The following USP25 variants were observed in gnomAD, a reference collection of about 807,000 sequenced individuals.
USP25 encodes the protein ubiquitin carboxyl-terminal hydrolase 25.
A neutral mutation model predicts 158.5 loss-of-function variants in USP25; 85 were observed. The ratio of observed to expected loss-of-function variants is 0.54; its 90% CI spans 0.45 to 0.64. The LOEUF is 0.64. USP25 is among the 30% of genes least tolerant of loss of function. USP25 has a pLI of 0.00. For missense variants in USP25, 1,242 were observed against 1,327.3 expected, an observed-to-expected ratio of 0.94 and a Z score of 1.00; for synonymous variants, 464 against 460.4, an observed-to-expected ratio of 1.01 and a Z score of -0.10.
chr21:15,812,586 G>A lies in USP25; in HGVS notation c.931+1376G>A, dbSNP rs570857471. Among the ~76,000 whole-genome samples, 5 of 151,926 alleles carry A rather than the reference G, an allele frequency of 3.3e-5. No individual in the cohort carries two copies. In the South Asian group the frequency reaches 1.0e-3, roughly 32 times the overall value. Reference sequence around the variant, plus strand: ...GAATGACGTGAACCCAGGAGGCGGAGCTTGCAGTGAGCTGAGATCGGGCCA... The same window carrying A: ...GAATGACGTGAACCCAGGAGGCGGAACTTGCAGTGAGCTGAGATCGGGCCA... On this transcript the variant is annotated intron_variant, in intron 9 of 25. Transcript: ENST00000400183.
rs556267853 is a variant in USP25 at position 15,818,506 on chromosome 21, A to G, written c.932-192A>G. 2.0e-4 allele frequency among the ~76,000 whole-genome samples: 31 copies of G among 152,150 alleles called. 1 individual carries two copies. Among genetic ancestry groups the G allele is most frequent in the Non-Finnish European group, 2.8e-4 (19 of 68,024 alleles). The stretch of plus-strand genomic sequence containing the variant: ...ATAATTACATATATGTGGATGTGTA[A>G]TATCTATGGCTGGGTATAAATGTAC... On this transcript the variant is annotated intron_variant, in intron 9 of 25. Transcript: ENST00000400183.
At chr21:15,767,433 A>G (rs2034106093) in intron 3 of USP25, among the ~76,000 whole-genome samples, 1 of 152,068 alleles carries the variant, frequency 6.6e-6, no homozygotes, top group Non-Finnish European at 1.5e-5. Context: ...CTTCTGTCTT[A>G]ATGAATACTC....
intron 4 of USP25, among the ~76,000 whole-genome samples, chr21:15,788,178 T>TC (rs2035400080): frequency 1.3e-5 from 2 of 151,932 alleles, no homozygotes; most frequent in South Asian, 4.1e-4. Context: ...CTTTTTTTTT[T>TC]CTCCTCTACC....
chr21:15,792,693 T>A (rs1330698079), intron 5 of USP25, among the ~76,000 whole-genome samples: 4 of 151,660 alleles, frequency 2.6e-5, no homozygotes, highest in African/African-American at 4.8e-5. Context: ...AACTTTTTTT[T>A]ATATACTTCA....
rs1378678465 is a variant in USP25 at position 15,846,142 on chromosome 21, ATATATATATATATATATT to A, written c.2338-1519_2338-1502del. 3.2e-3 allele frequency among the ~76,000 whole-genome samples: 177 copies of A among 56,014 alleles called. 5 individuals are homozygous for A. Among genetic ancestry groups the A allele is most frequent in the African/African-American group, 0.018 (173 of 9,586 alleles). The allele number at this position is 56,014 out of a possible 152,430, so 36.7% of individuals were successfully genotyped here. A position where few individuals can be genotyped will look rare whatever the true frequency, so the allele number is the denominator to read the frequency against. The stretch of plus-strand genomic sequence containing the variant: ...TGTGTGTATATATATATATATATAT[ATATATATATATATATATT>A]TTTTTTTTTTTTTTTTTTTTGAGAC... On this transcript the variant is annotated intron_variant, in intron 18 of 25. Transcript: ENST00000400183.
intron 1 of USP25, among the ~76,000 whole-genome samples, chr21:15,740,641 G>GTTTTTTTTTTTTTTTTTTTTTTTTT (rs60616271): frequency 4.8e-5 from 2 of 41,242 alleles, no homozygotes; most frequent in Non-Finnish European, 7.4e-5. Flanking sequence ...CTTTCTGGCT[G>GTTTTTTTTTTTTTTTTTTTTTTTTT]TTTTTTTTTT....
chr21:15,763,063 ATGTGGTAGT>A, intron 2 of USP25, 95 bp downstream of exon 2: 1 of 1,141,760 alleles, frequency 8.8e-7, no homozygotes, highest in South Asian at 2.0e-5. Context: ...GGGGTATACC[ATGTGGTAGT>A]TTTAGAGATA....
At position 15,799,729 on chromosome 21, in the gene USP25, G is replaced by T. The variant is rs773124042; in HGVS notation, c.556-28G>T. ...TTCTGCTAATGGAATTTTCCCTCAG[G>T]TTATGTTAAATTGTTGTTCTTTTTC... On this transcript the variant is annotated intron_variant, in intron 5 of 25. Coordinates refer to ENST00000400183, the MANE Select transcript of USP25 (RefSeq NM_001283041.3). 2.7e-6 allele frequency: 4 copies of T among 1,476,764 alleles called. No homozygotes were observed. The South Asian group carries it at 3.8e-5, about 14-fold the overall frequency. The allele number at this position is 1,476,764 out of a possible 1,614,324, so 91.5% of individuals were successfully genotyped here.
intron 23 of USP25, among the ~76,000 whole-genome samples, chr21:15,873,890 T>C (rs2039994950): frequency 6.6e-6 from 1 of 152,046 alleles, no homozygotes; most frequent in Non-Finnish European, 1.5e-5. Context: ...ACTTCCTCTA[T>C]TTCCTTTAGA....
intron 9 of USP25, among the ~76,000 whole-genome samples, chr21:15,812,650 CAAAA>C (rs557050769): frequency 1.9e-5 from 2 of 107,166 alleles, no homozygotes; most frequent in Admixed American, 1.0e-4. Flanking sequence ...GACTCCGTCT[CAAAA>C]AAAAAAAAAA....
chr21:15,761,054 G>C lies in USP25; in HGVS notation c.46-1837G>C, dbSNP rs145487994. On this transcript the variant is annotated intron_variant, in intron 1 of 25. Coordinates refer to ENST00000400183, the MANE Select transcript of USP25 (RefSeq NM_001283041.3). ...GACTTCACCTGCTTTTCATGGCATA[G>C]ACATTTTTGAAGATGATAGAATAAT... Among the ~76,000 whole-genome samples the C allele has an allele frequency of 2.9e-4, 44 of 152,278 alleles. 1 individual carries two copies. The East Asian group carries it at 7.5e-3, about 26-fold the overall frequency.
rs575604166 is a variant in USP25 at position 15,825,176 on chromosome 21, T to C, written c.1304+115T>C. On this transcript the variant is annotated intron_variant, in intron 12 of 25. Coordinates refer to ENST00000400183, the MANE Select transcript of USP25 (RefSeq NM_001283041.3). ...TTTATAATTTTAGGAGTAGTTAATA[T>C]TGTGTGAATAGTTTTGAGTTTTGCT... The C allele has an allele frequency of 2.3e-5, 16 of 700,656 alleles. No individual in the cohort carries two copies. In the South Asian group the frequency reaches 2.3e-4, roughly 10 times the overall value. The allele number at this position is 700,656 out of a possible 1,614,324, so 43.4% of individuals were successfully genotyped here.
At chr21:15,818,462 T>C (rs1309614302) in intron 9 of USP25, among the ~76,000 whole-genome samples, 1 of 152,142 alleles carries the variant, frequency 6.6e-6, no homozygotes, top group Admixed American at 6.6e-5. Flanking sequence ...AGAAAAAATA[T>C]ACATACATAT....
rs542014123 is a variant in USP25 at position 15,754,502 on chromosome 21, G to A, written c.46-8389G>A. ...CTTCTGAAGTTTAAGAGTTCTTGTC[G>A]TCTTTGGATTTACCTTGTGATTAAC... On this transcript the variant is annotated intron_variant, in intron 1 of 25. Coordinates refer to ENST00000400183, the MANE Select transcript of USP25 (RefSeq NM_001283041.3). 7.9e-5 allele frequency among the ~76,000 whole-genome samples: 12 copies of A among 152,298 alleles called. No individual in the cohort carries two copies. In the South Asian group the frequency reaches 1.7e-3, roughly 21 times the overall value.
In USP25 at chr21:15,843,216, C is replaced by G. The variant is rs2038423730; in HGVS notation, c.2337+676C>G. On this transcript the variant is annotated intron_variant, in intron 18 of 25. Transcript: ENST00000400183. The surrounding 1 kb of genome is among the most constrained non-coding windows in gnomAD (Gnocchi z 4.0). ...AAGCTATTTCAAGAATTTGTTACTA[C>G]TAAACCTTTTAGTTCCTGTAGTCAT... Among the ~76,000 whole-genome samples, 1 of 152,162 alleles carries G rather than the reference C, an allele frequency of 6.6e-6. No homozygotes were observed. Among genetic ancestry groups the G allele is most frequent in the Non-Finnish European group, 1.5e-5 (1 of 68,026 alleles).
chr21:15,816,255 G>A lies in USP25; in HGVS notation c.932-2443G>A, dbSNP rs1160731644. 6.6e-6 allele frequency among the ~76,000 whole-genome samples: 1 copy of A among 152,078 alleles called. No homozygotes were observed. Among genetic ancestry groups the A allele is most frequent in the Non-Finnish European group, 1.5e-5 (1 of 68,014 alleles). On this transcript the variant is annotated intron_variant, in intron 9 of 25. Transcript: ENST00000400183. This position sits in a 1 kb window ranked among gnomAD's most constrained non-coding sequence, Gnocchi z 4.0. ...TTCTCTTGCCTCTGCCATGTAAGAAGTGCCTTTTGCCTCCCGCCACGATTC... is the reference window on the plus strand; with the variant it reads ...TTCTCTTGCCTCTGCCATGTAAGAAATGCCTTTTGCCTCCCGCCACGATTC...
At chr21:15,856,315 T>C (rs1280276124) in intron 20 of USP25, among the ~76,000 whole-genome samples, 1 of 152,204 alleles carries the variant, frequency 6.6e-6, no homozygotes, top group African/African-American at 2.4e-5. Flanking sequence ...AAATGTAGAA[T>C]GTAAATGTTT....
Position 15,871,163 on chromosome 21 carries a change from A to G in USP25, c.2885+1016A>G, listed in dbSNP as rs569913385. The stretch of plus-strand genomic sequence containing the variant: ...AGTTATCACACAAAAGGAAAAATTA[A>G]TGTTTTACTTAACAATTTGTCTTAA... On this transcript the variant is annotated intron_variant, in intron 23 of 25. Transcript: ENST00000400183. 3.3e-5 allele frequency among the ~76,000 whole-genome samples: 5 copies of G among 152,316 alleles called. No homozygotes were observed. The South Asian group carries it at 8.3e-4, about 25-fold the overall frequency.
Position 15,766,321 on chromosome 21 carries a change from G to T in USP25, c.268+180G>T, listed in dbSNP as rs2034036558. 6.6e-6 allele frequency among the ~76,000 whole-genome samples: 1 copy of T among 151,916 alleles called. No homozygotes were observed. Among genetic ancestry groups the T allele is most frequent in the Non-Finnish European group, 1.5e-5 (1 of 67,952 alleles). On this transcript the variant is annotated intron_variant, in intron 3 of 25. Transcript: ENST00000400183. The surrounding 1 kb of genome is among the most constrained non-coding windows in gnomAD (Gnocchi z 4.0). ...TATCTTTTTCAGATTATAAGGAAAA[G>T]ATTTTATGTAAGTTATATAGTTTTT... is the stretch of plus-strand genomic sequence containing the variant.
Sources: gnomAD v4.1 joint callset for allele counts (sites outside exome capture counted in the v4.1 genomes callset) on GRCh38, gnomAD v4.1.1 for gene constraint, Gnocchi (gnomAD v3.1) non-coding constraint, MANE v1.5 for transcripts, NCBI Gene and HGNC (gene_info 2026-07-23, HGNC 2026-07-21) for gene names.